TENT4A: variants seen among roughly 807,000 people sequenced by gnomAD.
TENT4A encodes terminal nucleotidyltransferase 4A.
A neutral mutation model predicts 72.8 loss-of-function variants in TENT4A; 7 were observed. The observed-to-expected ratio is 0.10, with a 90% CI of 0.05 to 0.18. TENT4A has a LOEUF of 0.18. TENT4A is among the 10% of genes least tolerant of loss of function. The pLI, the probability that TENT4A is intolerant of heterozygous loss-of-function variation, is 1.00. For missense variants in TENT4A, 831 were observed against 1,017.7 expected (o/e 0.82, Z 2.50); for synonymous variants, 456 against 434.3 (o/e 1.05, Z -0.62).
intron 11 of TENT4A, 102 bp from the exon 12 acceptor site, chr5:6,752,771 G>C: frequency 1.0e-6 from 1 of 954,572 alleles, no homozygotes; most frequent in Admixed American, 2.0e-5. Context: ...ACATGCAACT[G>C]TGCCATTTAT....
chr5:6,749,295 C>A (rs1168274248), intron 8 of TENT4A, among the ~76,000 whole-genome samples: 1 of 152,152 alleles, frequency 6.6e-6, no homozygotes, highest in Non-Finnish European at 1.5e-5. Context: ...GTATGATCAT[C>A]GTGGGTGGGA....
chr5:6,726,817 G>A (rs1419369123), intron 1 of TENT4A, among the ~76,000 whole-genome samples: 2 of 152,150 alleles, frequency 1.3e-5, no homozygotes, highest in South Asian at 2.1e-4. Context: ...TCCCTCCTGC[G>A]CCCAACTGCT....
intron 1 of TENT4A, among the ~76,000 whole-genome samples, chr5:6,728,665 C>T (rs150878741): frequency 1.2e-4 from 19 of 152,302 alleles, no homozygotes; most frequent in Non-Finnish European, 2.8e-4. Context: ...TGGTGCTGGG[C>T]GGCAGAGCCC....
chr5:6,732,703 C>T (rs191192869), intron 1 of TENT4A, among the ~76,000 whole-genome samples: 64 of 152,242 alleles, frequency 4.2e-4, no homozygotes, highest in Non-Finnish European at 4.4e-4. Flanking sequence ...ATTCTGTTTT[C>T]GAGTAGTTTC....
intron 9 of TENT4A, among the ~76,000 whole-genome samples, 188 bp from the exon 10 acceptor site, chr5:6,750,143 C>T (rs1002149066): frequency 6.6e-6 from 1 of 152,226 alleles, no homozygotes; most frequent in Admixed American, 6.5e-5. Context: ...TTATTACAAA[C>T]ATGTTTAATG....
At chr5:6,748,634 G>T (rs1347614713) in intron 8 of TENT4A, 44 bp downstream of exon 8, 1 of 1,587,976 alleles carries the variant, frequency 6.3e-7, no homozygotes, top group South Asian at 1.1e-5. Flanking sequence ...GTGCCTGTGG[G>T]ATGGTACTTA....
intron 4 of TENT4A, among the ~76,000 whole-genome samples, chr5:6,740,079 T>G (rs994677942): frequency 1.3e-5 from 2 of 152,236 alleles, no homozygotes; most frequent in Non-Finnish European, 2.9e-5. Context: ...TTGGGACTTG[T>G]GAGCCCATTA....
Position 6,754,899 on chromosome 5 carries a change from AACAC to A in TENT4A, c.2344_2347del (p.Thr782GlyfsTer6). The A allele has an allele frequency of 6.3e-7, 1 of 1,599,080 alleles. No homozygotes were observed. The highest frequency in any genetic ancestry group is 8.6e-7 in the Non-Finnish European group (1 of 1,169,334). ...AACCGCACCGGCTGGAGGAGGAAAAAACACACACACACACGGGACAGTCTGCCCG... is the reference window on the plus strand; with the variant it reads ...AACCGCACCGGCTGGAGGAGGAAAAAACACACACACGGGACAGTCTGCCCG... On this transcript the variant is annotated frameshift_variant, in exon 13 of 13. Coordinates refer to ENST00000230859, the MANE Select transcript of TENT4A (RefSeq NM_006999.6). LOFTEE classifies it high-confidence loss of function.
chr5:6,720,935 C>A (rs1387583049), intron 1 of TENT4A, among the ~76,000 whole-genome samples: 1 of 152,150 alleles, frequency 6.6e-6, no homozygotes, highest in Non-Finnish European at 1.5e-5. Flanking sequence ...ACTTGTCCTG[C>A]AAGCCCAGGT....
At chr5:6,753,949 T>C (rs1289157227) in intron 12 of TENT4A, among the ~76,000 whole-genome samples, 3 of 152,252 alleles carry the variant, frequency 2.0e-5, no homozygotes, top group Admixed American at 2.0e-4. Context: ...CTGTTTTTCT[T>C]GCTCTGAGAC....
intron 6 of TENT4A, among the ~76,000 whole-genome samples, chr5:6,745,463 G>A (rs1049042719): frequency 7.2e-5 from 11 of 152,176 alleles, no homozygotes; most frequent in Non-Finnish European, 1.3e-4. Flanking sequence ...GGGGCAGGGC[G>A]CCACATGTGG....
At chr5:6,719,533 G>A (rs1740548691) in intron 1 of TENT4A, among the ~76,000 whole-genome samples, 1 of 152,150 alleles carries the variant, frequency 6.6e-6, no homozygotes, top group Non-Finnish European at 1.5e-5. Flanking sequence ...AGGAGGTGTG[G>A]CTGGCTTGTC....
In TENT4A at chr5:6,720,388, T is replaced by C. The variant is rs116913894; in HGVS notation, c.716+5689T>C. On this transcript the variant is annotated intron_variant, in intron 1 of 12. Transcript: ENST00000230859. The stretch of plus-strand genomic sequence containing the variant: ...GGTTGTGGTTCTTCTTGTCCAACAC[T>C]TTTCCCCTGACTGGACTCCAGCCCA... 3.3e-4 allele frequency among the ~76,000 whole-genome samples: 50 copies of C among 152,156 alleles called. No homozygotes were observed. The East Asian group carries it at 9.5e-3, about 29-fold the overall frequency.
rs146912645 is a variant in TENT4A, at chr5:6,746,315, C to G, written c.1347C>G (p.Thr449=). 6.7e-5 allele frequency: 108 copies of G among 1,614,072 alleles called. 2 individuals are homozygous for G. The South Asian group carries it at 1.0e-3, about 15-fold the overall frequency. Residue 449 remains threonine, a synonymous_variant, in exon 7 of 13, where the codon ACC becomes ACG. Coordinates refer to ENST00000230859, the MANE Select transcript of TENT4A (RefSeq NM_006999.6). Reference sequence around the variant, plus strand: ...GGAGAAATTTTAATTACTTGAAAACCGGTATTAGAATCAAAGAAGGAGGTG... The same window carrying G: ...GGAGAAATTTTAATTACTTGAAAACGGGTATTAGAATCAAAGAAGGAGGTG... ...LYGRNFNYLK[T]GIRIKEGGAY...
chr5:6,742,349 A>T (rs1741849507), intron 4 of TENT4A, 141 bp from the exon 5 acceptor site: 2 of 611,518 alleles, frequency 3.3e-6, no homozygotes, highest in Non-Finnish European at 5.9e-6. Flanking sequence ...TTCAGGGACT[A>T]CTGATGCTGA....
chr5:6,724,727 T>C (rs1343487182), intron 1 of TENT4A, among the ~76,000 whole-genome samples: 1 of 152,248 alleles, frequency 6.6e-6, no homozygotes, highest in Non-Finnish European at 1.5e-5. Context: ...TGACTTGCTG[T>C]TCACAGAGCC....
At chr5:6,747,141 AT>A (rs1742147847) in intron 7 of TENT4A, among the ~76,000 whole-genome samples, 2 of 152,188 alleles carry the variant, frequency 1.3e-5, no homozygotes, top group African/African-American at 4.8e-5. Context: ...AATTCCACAA[AT>A]TTTGATTGAG....
intron 1 of TENT4A, among the ~76,000 whole-genome samples, chr5:6,719,355 A>ACTT (rs1740537088): frequency 6.6e-6 from 1 of 152,120 alleles, no homozygotes; most frequent in Non-Finnish European, 1.5e-5. Context: ...TTGTGGAGTA[A>ACTT]AGGTTAAGAA....
Position 6,714,283 on chromosome 5 carries a change from G to A in TENT4A, c.300G>A (p.Arg100=), listed in dbSNP as rs975426912. 1.4e-5 allele frequency: 15 copies of A among 1,079,714 alleles called. No individual in the cohort carries two copies. Among genetic ancestry groups the A allele is most frequent in the Non-Finnish European group, 1.6e-5 (14 of 892,330 alleles). 66.9% of individuals were successfully genotyped at this position (1,079,714 alleles called of 1,614,324 possible). The change falls in exon 1 of 13, where the codon CGG becomes CGA. Residue 100 remains arginine (R), a synonymous_variant. Coordinates refer to ENST00000230859, the MANE Select transcript of TENT4A (RefSeq NM_006999.6). ...TALGPAAEGA[R]RLHKSPSLSS... ...TGGGGCCCGCGGCCGAGGGCGCGCG[G>A]CGCTTGCACAAGTCGCCGTCGCTGT...
Sources: gnomAD v4.1 joint callset for allele counts (sites outside exome capture counted in the v4.1 genomes callset) on GRCh38, gnomAD v4.1.1 for gene constraint, MANE v1.5 for transcripts, NCBI Gene and HGNC (gene_info 2026-07-23, HGNC 2026-07-21) for gene names.